Variants in CAMSAP1 observed in about 807,000 individuals in gnomAD.
CAMSAP1 encodes the protein calmodulin regulated spectrin associated protein 1.
In CAMSAP1, 58 loss-of-function variants were observed where a neutral mutation model predicts 143.5. The observed-to-expected ratio is 0.40, with a 90% CI of 0.33 to 0.50. The LOEUF (loss-of-function observed/expected upper bound fraction) is 0.50. Ranked by LOEUF, CAMSAP1 falls within the 20% of genes least tolerant of loss-of-function variation. CAMSAP1 has a pLI of 0.45. For synonymous variants in CAMSAP1, 945 were observed against 859.3 expected, an observed-to-expected ratio of 1.10 and a Z score of -1.74; for missense variants, 1,969 against 2,115.7, an observed-to-expected ratio of 0.93 and a Z score of 1.36.
chr9:135,868,837 C>T (rs1209673781), intron 3 of CAMSAP1, among the ~76,000 whole-genome samples: 1 of 151,906 alleles, frequency 6.6e-6, no homozygotes, highest in Non-Finnish European at 1.5e-5. Flanking sequence ...AGGATGATCT[C>T]GATATCCTGA....
chr9:135,848,089 G>C (rs1024704831), intron 7 of CAMSAP1, among the ~76,000 whole-genome samples: 1 of 151,572 alleles, frequency 6.6e-6, no homozygotes, highest in African/African-American at 2.4e-5. Context: ...CTGAAAACAG[G>C]AGTCAGCAAT....
At chr9:135,870,390 T>A (rs1308339453) in intron 3 of CAMSAP1, among the ~76,000 whole-genome samples, 2 of 152,202 alleles carry the variant, frequency 1.3e-5, no homozygotes, top group Non-Finnish European at 2.9e-5. Flanking sequence ...ACCCCAGCCA[T>A]GTGGAACTGA....
At chr9:135,906,090 G>A (rs1210370697) in intron 1 of CAMSAP1, among the ~76,000 whole-genome samples, 4 of 152,230 alleles carry the variant, frequency 2.6e-5, no homozygotes, top group Non-Finnish European at 1.5e-5. Context: ...AAACGCGTTT[G>A]TCCTTATGAC....
chr9:135,855,147 AC>A (rs1393824224), intron 5 of CAMSAP1, among the ~76,000 whole-genome samples: 1 of 151,654 alleles, frequency 6.6e-6, no homozygotes, highest in Non-Finnish European at 1.5e-5. Context: ...GTGCACCACC[AC>A]CCCCGGCCAA....
intron 14 of CAMSAP1, chr9:135,817,748 G>T: frequency 2.0e-6 from 1 of 507,160 alleles, no homozygotes; most frequent in South Asian, 2.2e-5. Flanking sequence ...TGTGGGGTGG[G>T]GGACAGGGGA....
At chr9:135,881,313 G>A (rs537303026) in intron 3 of CAMSAP1, among the ~76,000 whole-genome samples, 14 of 151,598 alleles carry the variant, frequency 9.2e-5, no homozygotes, top group South Asian at 8.4e-4. Flanking sequence ...AGCCATGATC[G>A]TGCCACTGTA....
intron 1 of CAMSAP1, among the ~76,000 whole-genome samples, chr9:135,903,237 CT>C (rs1361262146): frequency 6.6e-6 from 1 of 152,244 alleles, no homozygotes; most frequent in Non-Finnish European, 1.5e-5. Flanking sequence ...ACAACTTTCA[CT>C]CAAACATCAC....
chr9:135,867,175 C>T (rs1215173445), intron 3 of CAMSAP1, among the ~76,000 whole-genome samples: 1 of 152,032 alleles, frequency 6.6e-6, no homozygotes, highest in African/African-American at 2.4e-5. Context: ...CTGAATGCTT[C>T]GTCATCAAAC....
chr9:135,877,968 G>A (rs1390820957), intron 3 of CAMSAP1, among the ~76,000 whole-genome samples: 1 of 152,178 alleles, frequency 6.6e-6, no homozygotes, highest in Non-Finnish European at 1.5e-5. Flanking sequence ...TACAGGATGG[G>A]AAACCCGCAT....
rs908997509 is a variant in CAMSAP1 at position 135,866,555 on chromosome 9, G to C, written c.586-19C>G. 1 of 1,151,742 alleles carries C rather than the reference G, an allele frequency of 8.7e-7. No individual in the cohort carries two copies. Among genetic ancestry groups the C allele is most frequent in the Non-Finnish European group, 1.3e-6 (1 of 783,066 alleles). 71.3% of individuals were successfully genotyped at this position (1,151,742 alleles called of 1,614,324 possible). ...GATTTACCTAAAGTAGAAGAGAAAT[G>C]CATTAAAGAGGTAATTGCTGTCCCG... On this transcript the variant is annotated intron_variant, in intron 3 of 16. Coordinates refer to ENST00000389532, the MANE Select transcript of CAMSAP1 (RefSeq NM_015447.4).
intron 7 of CAMSAP1, among the ~76,000 whole-genome samples, chr9:135,846,072 CAAAAAAAAAA>C (rs71384025): frequency 1.3e-5 from 1 of 79,908 alleles, no homozygotes; most frequent in Non-Finnish European, 2.3e-5. Context: ...CAACCCTAAG[CAAAAAAAAAA>C]AAAAAAAAAA....
intron 3 of CAMSAP1, among the ~76,000 whole-genome samples, chr9:135,870,244 T>G (rs1837525203): frequency 6.6e-6 from 1 of 152,156 alleles, no homozygotes; most frequent in Non-Finnish European, 1.5e-5. Context: ...GCTGTTCTTG[T>G]GATAGTGAGT....
At chr9:135,833,361 G>A (rs1268058979) in intron 7 of CAMSAP1, among the ~76,000 whole-genome samples, 6 of 152,268 alleles carry the variant, frequency 3.9e-5, no homozygotes, top group African/African-American at 7.2e-5. Context: ...GATTACAGGC[G>A]TGAGCCACCG....
In CAMSAP1 at chr9:135,824,911, A is replaced by G; in HGVS notation, c.1224-31T>C. 6.6e-7 allele frequency: 1 copy of G among 1,526,674 alleles called. No homozygotes were observed. The highest frequency in any genetic ancestry group is 8.9e-7 in the Non-Finnish European group (1 of 1,123,444). 94.6% of individuals were successfully genotyped at this position (1,526,674 alleles called of 1,614,324 possible). ...TGGAAAAAGAATTACAGGGAAAATC[A>G]TTCCTTTATCAAACTTCAAGGTCAA... is the stretch of plus-strand genomic sequence containing the variant. On this transcript the variant is annotated intron_variant, in intron 8 of 16. Coordinates refer to ENST00000389532, the MANE Select transcript of CAMSAP1 (RefSeq NM_015447.4). This position sits in a 1 kb window ranked among gnomAD's most constrained non-coding sequence, Gnocchi z 4.1.
Position 135,907,128 on chromosome 9 carries a change from T to TCGG in CAMSAP1, c.29_31dup (p.Ala10dup). ...CGGGGCCTCCATCTTCCTCCAGCCC[T>TCGG]CGGCGGCGGCGCGGCCGCTCGCGTC... is the stretch of plus-strand genomic sequence containing the variant. On this transcript the variant is annotated inframe_insertion, in exon 1 of 17. Coordinates refer to ENST00000389532, the MANE Select transcript of CAMSAP1 (RefSeq NM_015447.4). 8.9e-7 allele frequency: 1 copy of TCGG among 1,118,282 alleles called. No homozygotes were observed. Among genetic ancestry groups the TCGG allele is most frequent in the Non-Finnish European group, 1.1e-6 (1 of 912,604 alleles). 69.3% of individuals were successfully genotyped at this position (1,118,282 alleles called of 1,614,324 possible). A position where few individuals can be genotyped will look rare whatever the true frequency, so the allele number is the denominator to read the frequency against.
At position 135,821,295 on chromosome 9, in the gene CAMSAP1, G is replaced by A. The variant is rs1346329690; in HGVS notation, c.3366C>T (p.Thr1122=). The A allele has an allele frequency of 4.3e-6, 7 of 1,611,980 alleles. No homozygotes were observed. The South Asian group carries it at 7.7e-5, about 18-fold the overall frequency. The change falls in exon 11 of 17, where the codon ACC becomes ACT. Residue 1122 remains threonine, a synonymous_variant. Transcript: ENST00000389532. The surrounding 1 kb of genome is among the most constrained non-coding windows in gnomAD (Gnocchi z 4.6). The part of the protein sequence containing the change: ...DRPQGSSRSK[T]PTPSVETLPH... The stretch of plus-strand genomic sequence containing the variant: ...GGAGCGTCTCTACACTGGGCGTTGG[G>A]GTTTTACTTCGGGAGGAGCCCTGTG...
intron 7 of CAMSAP1, among the ~76,000 whole-genome samples, chr9:135,847,560 A>G (rs1379410984): frequency 3.3e-5 from 5 of 151,238 alleles, no homozygotes; most frequent in Non-Finnish European, 5.9e-5. Context: ...TTGCAAGGAC[A>G]TGGATGAAGC....
chr9:135,881,430 C>G (rs1172664561), intron 3 of CAMSAP1, among the ~76,000 whole-genome samples: 1 of 152,044 alleles, frequency 6.6e-6, no homozygotes, highest in Non-Finnish European at 1.5e-5. Context: ...AATTCATCAC[C>G]CTCTACTCTC....
intron 5 of CAMSAP1, among the ~76,000 whole-genome samples, chr9:135,856,200 A>G (rs146670637): frequency 3.9e-4 from 60 of 152,340 alleles, no homozygotes; most frequent in African/African-American, 1.2e-3. Flanking sequence ...AAAAGAAAGC[A>G]GTTTATTGGA....
Sources: gnomAD v4.1 joint callset for allele counts (sites outside exome capture counted in the v4.1 genomes callset) on GRCh38, gnomAD v4.1.1 for gene constraint, Gnocchi (gnomAD v3.1) non-coding constraint, MANE v1.5 for transcripts, NCBI Gene and HGNC (gene_info 2026-07-23, HGNC 2026-07-21) for gene names.